The following NCOA6 variants were observed in gnomAD, a reference collection of about 807,000 sequenced individuals.
NCOA6 encodes nuclear receptor coactivator 6.
A neutral mutation model predicts 171.4 loss-of-function variants in NCOA6; 49 were observed. The ratio of observed to expected loss-of-function variants is 0.29; its 90% confidence interval spans 0.23 to 0.36. The LOEUF is 0.36. Among genes scored for constraint, NCOA6 ranks in the 10% least tolerant of loss-of-function variants. The pLI is 1.00. For missense variants in NCOA6, 2,248 were observed against 2,554.5 expected (o/e 0.88, Z 2.59); for synonymous variants, 910 against 927.5 (o/e 0.98, Z 0.34).
intron 1 of NCOA6, among the ~76,000 whole-genome samples, chr20:34,816,764 T>C (rs1016476115): frequency 1.6e-4 from 25 of 151,702 alleles, no homozygotes; most frequent in Non-Finnish European, 1.2e-4. Flanking sequence ...TTTGCACCAC[T>C]GCACTCCAGC....
intron 2 of NCOA6, among the ~76,000 whole-genome samples, chr20:34,791,086 A>G (rs2077866760): frequency 6.6e-6 from 1 of 152,196 alleles, no homozygotes; most frequent in South Asian, 2.1e-4. Context: ...AGTGACAGAC[A>G]TGTTTTGGAA....
intron 13 of NCOA6, among the ~76,000 whole-genome samples, chr20:34,729,821 C>G (rs1990395182): frequency 6.6e-6 from 1 of 152,190 alleles, no homozygotes; most frequent in Non-Finnish European, 1.5e-5. Context: ...CCAGAGGACC[C>G]TTTGCTAGTA....
At chr20:34,764,652 T>C (rs1285437389) in intron 5 of NCOA6, among the ~76,000 whole-genome samples, 1 of 151,494 alleles carries the variant, frequency 6.6e-6, no homozygotes, top group Non-Finnish European at 1.5e-5. Context: ...GCAACTGCAC[T>C]CCAGCTTGGG....
chr20:34,802,608 GA>G (rs34831325), intron 1 of NCOA6, among the ~76,000 whole-genome samples: 51,920 of 148,160 alleles, frequency 0.35, 9,313 homozygotes, highest in Middle Eastern at 0.43. Flanking sequence ...TCAAAAAAAA[GA>G]AAAAAAAAAT....
intron 1 of NCOA6, among the ~76,000 whole-genome samples, chr20:34,801,462 A>G (rs1438010564): frequency 6.6e-6 from 1 of 152,216 alleles, no homozygotes. Context: ...GACTAACAAA[A>G]AAAGAGAGAA....
intron 1 of NCOA6, 91 bp downstream of exon 1, chr20:34,825,381 G>A (rs922819281): frequency 6.7e-6 from 1 of 149,996 alleles, no homozygotes; most frequent in African/African-American, 2.4e-5. Context: ...GCGGGCCCGG[G>A]CGGCGCCTCC....
intron 1 of NCOA6, among the ~76,000 whole-genome samples, chr20:34,812,873 G>A (rs779473313): frequency 5.9e-5 from 9 of 152,044 alleles, no homozygotes; most frequent in South Asian, 4.1e-4. Flanking sequence ...TAAAAATTAC[G>A]GCCGGTCACA....
chr20:34,808,542 G>A (rs910136773), intron 1 of NCOA6, among the ~76,000 whole-genome samples: 16 of 150,818 alleles, frequency 1.1e-4, no homozygotes, highest in Admixed American at 6.6e-5. Flanking sequence ...GGATTCAAGC[G>A]ATTCTCCTGC....
chr20:34,737,083 C>T (rs1336149739), intron 11 of NCOA6, among the ~76,000 whole-genome samples: 1 of 152,084 alleles, frequency 6.6e-6, no homozygotes, highest in Non-Finnish European at 1.5e-5. Context: ...CTTGAAAAAG[C>T]CCCAAAGCAT....
intron 1 of NCOA6, among the ~76,000 whole-genome samples, chr20:34,814,113 G>A (rs550878139): frequency 2.0e-5 from 3 of 152,224 alleles, no homozygotes; most frequent in East Asian, 1.9e-4. Context: ...GGCAGATCAC[G>A]AGGTCAGGAG....
chr20:34,787,394 T>C (rs1286217425), intron 2 of NCOA6, among the ~76,000 whole-genome samples: 1 of 151,994 alleles, frequency 6.6e-6, no homozygotes, highest in Non-Finnish European at 1.5e-5. Context: ...GGTGTGGTGA[T>C]GCACACCTGT....
intron 1 of NCOA6, among the ~76,000 whole-genome samples, chr20:34,812,955 T>C (rs745913864): frequency 1.3e-5 from 2 of 151,170 alleles, no homozygotes; most frequent in Non-Finnish European, 3.0e-5. Context: ...AGGTCAGGAG[T>C]TGGAGGCCAG....
chr20:34,801,074 A>C (rs554072744), intron 1 of NCOA6, among the ~76,000 whole-genome samples: 43 of 152,222 alleles, frequency 2.8e-4, no homozygotes, highest in Non-Finnish European at 5.7e-4. Flanking sequence ...CTATACAAAC[A>C]CATGGAAATT....
Position 34,741,691 on chromosome 20 carries a change from C to T in NCOA6, c.4565G>A (p.Gly1522Glu). ...GACAGATGCTTTTTTGAGGTCCTCC[C>T]CAGAAACTACTGGAGGTGTTACTTC... is the stretch of plus-strand genomic sequence containing the variant. Reference protein sequence around the residue: ...DLEVTPPVVSGEDLKKASVIP... With the variant: ...DLEVTPPVVSEEDLKKASVIP... The change falls in exon 11 of 15, where the codon GGG (glycine) becomes GAG (glutamate). Residue 1522 changes from glycine (G) to glutamate (E), a missense_variant. By Grantham distance (98) the Gly-to-Glu change is moderately conservative. Around this residue, in one of 7 missense-constraint regions of NCOA6, gnomAD observed 884 missense variants for 941.9 expected, o/e 0.94. Transcript: ENST00000359003. 1.2e-6 allele frequency: 2 copies of T among 1,614,146 alleles called. No homozygotes were observed. The highest frequency in any genetic ancestry group is 2.2e-5 in the East Asian group (1 of 44,884).
At chr20:34,809,837 G>A (rs764137692) in intron 1 of NCOA6, among the ~76,000 whole-genome samples, 26 of 152,126 alleles carry the variant, frequency 1.7e-4, no homozygotes, top group Non-Finnish European at 1.9e-4. Flanking sequence ...GCATGGTGGC[G>A]CACTCCTGTA....
chr20:34,769,768 T>G (rs1417031245), intron 4 of NCOA6, among the ~76,000 whole-genome samples: 1 of 152,180 alleles, frequency 6.6e-6, no homozygotes, highest in Non-Finnish European at 1.5e-5. Flanking sequence ...AGAGGCAACT[T>G]AAATCTTACT....
intron 1 of NCOA6, among the ~76,000 whole-genome samples, chr20:34,809,119 C>A (rs1177613206): frequency 6.6e-6 from 1 of 152,136 alleles, no homozygotes; most frequent in Non-Finnish European, 1.5e-5. Context: ...CCTCCATTCG[C>A]CTCCAGAATT....
intron 14 of NCOA6, among the ~76,000 whole-genome samples, chr20:34,726,784 CAA>C (rs760609166): frequency 9.7e-5 from 12 of 123,744 alleles, no homozygotes; most frequent in Non-Finnish European, 8.6e-5. Flanking sequence ...GACTCCATCT[CAA>C]AAAAAAAAAA....
At chr20:34,753,870 C>G (rs2076567496) in intron 8 of NCOA6, among the ~76,000 whole-genome samples, 1 of 152,130 alleles carries the variant, frequency 6.6e-6, no homozygotes, top group South Asian at 2.1e-4. Context: ...ACTAAATTAA[C>G]TCCAGGAGGG....
Sources: gnomAD v4.1 joint callset for allele counts (sites outside exome capture counted in the v4.1 genomes callset) on GRCh38, gnomAD v4.1.1 for gene constraint, gnomAD v4.1.1 regional missense constraint, MANE v1.5 for transcripts, NCBI Gene and HGNC (gene_info 2026-07-23, HGNC 2026-07-21) for gene names.